NPFFR2: variants seen among roughly 807,000 people sequenced by gnomAD.
The protein encoded by NPFFR2 is G-protein coupled receptor 74.
In NPFFR2, 15 loss-of-function variants were observed where a neutral mutation model predicts 13.1. That is an observed-to-expected ratio of 1.15 (90% CI 0.77 to 1.76). The LOEUF is 1.76. NPFFR2 is among the 40% of genes most tolerant of loss of function. NPFFR2 has a pLI of 0.00. For synonymous variants in NPFFR2, 190 were observed against 175.7 expected (o/e 1.08, Z -0.65); for missense variants, 572 against 503.5 (o/e 1.14, Z -1.30).
chr4:72,086,792 G>C (rs970796368), intron 1 of NPFFR2, among the ~76,000 whole-genome samples: 1 of 151,968 alleles, frequency 6.6e-6, no homozygotes, highest in African/African-American at 2.4e-5. Context: ...AGAATAAATA[G>C]TAAAACAATT....
intron 1 of NPFFR2, among the ~76,000 whole-genome samples, chr4:72,045,389 C>A (rs1719347064): frequency 6.6e-6 from 1 of 152,130 alleles, no homozygotes. Flanking sequence ...ATCTATGTGT[C>A]TATTTTTATA....
chr4:72,130,016 C>G (rs1722184650), intron 2 of NPFFR2, among the ~76,000 whole-genome samples: 1 of 143,020 alleles, frequency 7.0e-6, no homozygotes, highest in Admixed American at 7.0e-5. Flanking sequence ...ATCCATTCAA[C>G]TCTGAGTTGA....
chr4:72,069,343 C>G (rs571536442), intron 1 of NPFFR2, among the ~76,000 whole-genome samples: 1 of 152,084 alleles, frequency 6.6e-6, no homozygotes, highest in Non-Finnish European at 1.5e-5. Context: ...ATTTTAAAAA[C>G]TATAATTGTA....
intron 1 of NPFFR2, among the ~76,000 whole-genome samples, chr4:72,046,075 T>C (rs1266767062): frequency 1.3e-5 from 2 of 152,138 alleles, no homozygotes; most frequent in Non-Finnish European, 2.9e-5. Context: ...AATATAATCA[T>C]GTGGTAAATA....
chr4:72,097,749 A>G (rs1260414452), intron 1 of NPFFR2, among the ~76,000 whole-genome samples: 1 of 152,170 alleles, frequency 6.6e-6, no homozygotes, highest in Non-Finnish European at 1.5e-5. Flanking sequence ...AGATGTATCT[A>G]ATAAATGTTT....
At chr4:72,057,653 CAT>C in intron 1 of NPFFR2, among the ~76,000 whole-genome samples, 1 of 152,112 alleles carries the variant, frequency 6.6e-6, no homozygotes, top group South Asian at 2.1e-4. Flanking sequence ...AGTAAGGTCA[CAT>C]ACATAGATTC....
At chr4:72,119,773 T>A (rs377197432) in intron 1 of NPFFR2, among the ~76,000 whole-genome samples, 31 of 152,330 alleles carry the variant, frequency 2.0e-4, no homozygotes, top group African/African-American at 7.2e-4. Context: ...TCCCATGGTC[T>A]TTGCAACCTG....
chr4:72,063,078 G>C (rs1719967092), intron 1 of NPFFR2, among the ~76,000 whole-genome samples: 1 of 152,152 alleles, frequency 6.6e-6, no homozygotes, highest in Non-Finnish European at 1.5e-5. Context: ...AATTCAAAAA[G>C]TATTTTTGTT....
chr4:72,121,603 T>G (rs956624687), intron 1 of NPFFR2, among the ~76,000 whole-genome samples: 1 of 152,140 alleles, frequency 6.6e-6, no homozygotes, highest in Non-Finnish European at 1.5e-5. Context: ...TATTCAACAT[T>G]CTTAAAGAAA....
intron 1 of NPFFR2, among the ~76,000 whole-genome samples, chr4:72,096,260 T>C (rs753780396): frequency 7.9e-5 from 12 of 152,216 alleles, no homozygotes; most frequent in Non-Finnish European, 1.6e-4. Context: ...CCATGACATC[T>C]GTTTTGAACC....
chr4:72,105,359 C>T (rs1721388491), intron 1 of NPFFR2, among the ~76,000 whole-genome samples: 1 of 151,848 alleles, frequency 6.6e-6, no homozygotes, highest in African/African-American at 2.4e-5. Flanking sequence ...CGTTTTAAAA[C>T]CCAAAACAAA....
chr4:72,058,954 C>T (rs1719840736), intron 1 of NPFFR2, among the ~76,000 whole-genome samples: 1 of 152,074 alleles, frequency 6.6e-6, no homozygotes, highest in Admixed American at 6.6e-5. Context: ...TCACATAAGC[C>T]AAATAAGCCT....
At chr4:72,039,668 A>T (rs149145593) in intron 1 of NPFFR2, among the ~76,000 whole-genome samples, 248 of 152,282 alleles carry the variant, frequency 1.6e-3, no homozygotes, top group African/African-American at 5.7e-3. Context: ...TTCTTGATAA[A>T]CATTCACTTT....
chr4:72,048,485 T>G (rs1719442946), intron 1 of NPFFR2, among the ~76,000 whole-genome samples: 1 of 152,122 alleles, frequency 6.6e-6, no homozygotes, highest in Non-Finnish European at 1.5e-5. Flanking sequence ...CAATTCACAA[T>G]ATACATATAT....
rs149671417 is a variant in NPFFR2, at chr4:72,057,796, T to A, written c.-8+25596T>A. On this transcript the variant is annotated intron_variant, in intron 1 of 3. Transcript: ENST00000308744. ...GTAGATACTCCATAATGGAGAGACC[T>A]GGCAAATCAAGGTCAATGTCATCAA... Among the ~76,000 whole-genome samples the A allele has an allele frequency of 2.3e-3, 343 of 152,132 alleles. 5 individuals are homozygous for A. Among genetic ancestry groups the A allele is most frequent in the African/African-American group, 7.8e-3 (323 of 41,544 alleles).
chr4:72,087,541 A>T (rs558945706), intron 1 of NPFFR2, among the ~76,000 whole-genome samples: 1 of 106,842 alleles, frequency 9.4e-6, no homozygotes, highest in Non-Finnish European at 2.1e-5. Context: ...GCATTAATAC[A>T]TGATGGTCTT....
chr4:72,050,553 T>G (rs1719515365), intron 1 of NPFFR2, among the ~76,000 whole-genome samples: 2 of 152,100 alleles, frequency 1.3e-5, no homozygotes, highest in Non-Finnish European at 1.5e-5. Context: ...TAACATGACA[T>G]GGCAAATAGC....
intron 1 of NPFFR2, among the ~76,000 whole-genome samples, chr4:72,126,092 A>G (rs1490464166): frequency 6.6e-6 from 1 of 152,244 alleles, no homozygotes; most frequent in Non-Finnish European, 1.5e-5. Context: ...TGACAAAAAT[A>G]TTGCTAAACT....
chr4:72,071,204 G>T (rs1363022475), intron 1 of NPFFR2, among the ~76,000 whole-genome samples: 7 of 152,144 alleles, frequency 4.6e-5, no homozygotes, highest in Non-Finnish European at 5.9e-5. Context: ...CTCATGCACA[G>T]ACATGTTTAA....
Sources: gnomAD v4.1 joint callset for allele counts (sites outside exome capture counted in the v4.1 genomes callset) on GRCh38, gnomAD v4.1.1 for gene constraint, MANE v1.5 for transcripts, NCBI Gene and HGNC (gene_info 2026-07-23, HGNC 2026-07-21) for gene names.